Variants in GRIK3 observed in about 807,000 individuals in gnomAD.
The protein encoded by GRIK3 is glutamate receptor ionotropic, kainate 3.
A neutral mutation model predicts 102.5 loss-of-function variants in GRIK3; 29 were observed. That is an observed-to-expected ratio of 0.28 (90% CI 0.21 to 0.39). The LOEUF (loss-of-function observed/expected upper bound fraction) is 0.39. Among genes scored for constraint, GRIK3 ranks in the 10% least tolerant of loss-of-function variants. The pLI is 1.00. For missense variants in GRIK3, 908 were observed against 1,252.4 expected (o/e 0.73, Z 4.15); for synonymous variants, 511 against 504.9 (o/e 1.01, Z -0.16).
intron 1 of GRIK3, among the ~76,000 whole-genome samples, chr1:36,986,919 T>C (rs141065907): frequency 0.014 from 2,137 of 152,316 alleles, 137 homozygotes; most frequent in Admixed American, 0.11. Context: ...AATGCAGTCA[T>C]TTCAGATCTC....
At chr1:36,991,932 G>T (rs1222909002) in intron 1 of GRIK3, among the ~76,000 whole-genome samples, 1 of 152,226 alleles carries the variant, frequency 6.6e-6, no homozygotes, top group East Asian at 1.9e-4. Flanking sequence ...CAGAGCTGGT[G>T]TGGCCAGCCC....
chr1:36,955,223 C>A (rs909515890), intron 1 of GRIK3, among the ~76,000 whole-genome samples: 2 of 152,208 alleles, frequency 1.3e-5, no homozygotes, highest in African/African-American at 4.8e-5. Flanking sequence ...GACAGCCCAC[C>A]TGGCTAAGGG....
intron 1 of GRIK3, among the ~76,000 whole-genome samples, chr1:36,997,740 G>T (rs1048388907): frequency 2.0e-5 from 3 of 152,188 alleles, no homozygotes; most frequent in South Asian, 2.1e-4. Context: ...AGAGGGACCA[G>T]GAATGACCAG....
Position 36,855,653 on chromosome 1 carries a change from A to G in GRIK3, c.1105-1931T>C, listed in dbSNP as rs142102932. 8.5e-5 allele frequency among the ~76,000 whole-genome samples: 13 copies of G among 152,372 alleles called. No homozygotes were observed. In the East Asian group the frequency reaches 2.3e-3, roughly 27 times the overall value. On this transcript the variant is annotated intron_variant, in intron 7 of 15. Transcript: ENST00000373091. ...AAAAGGCATATAGAGCGCTGAGCAC[A>G]GTGCCTGCATACACAATCACAAGGA...
At chr1:37,012,359 C>T (rs1332915527) in intron 1 of GRIK3, among the ~76,000 whole-genome samples, 1 of 152,176 alleles carries the variant, frequency 6.6e-6, no homozygotes, top group Non-Finnish European at 1.5e-5. Context: ...GCAGCTAAGT[C>T]TCTGTGGCTT....
intron 1 of GRIK3, among the ~76,000 whole-genome samples, chr1:36,963,457 C>T (rs762456516): frequency 1.4e-4 from 22 of 152,246 alleles, no homozygotes; most frequent in African/African-American, 2.2e-4. Flanking sequence ...TGGAGAGGAA[C>T]GCCTTCTGTG....
chr1:37,006,001 C>G (rs143988984), intron 1 of GRIK3, among the ~76,000 whole-genome samples: 1 of 152,078 alleles, frequency 6.6e-6, no homozygotes, highest in South Asian at 2.1e-4. Flanking sequence ...CTGTCAGAAT[C>G]GCTAGCCTGA....
chr1:36,880,788 G>A lies in GRIK3; in HGVS notation c.396C>T (p.His132=). The change falls in exon 3 of 16, where the codon CAC becomes CAT. Residue 132 remains histidine (H), a synonymous_variant. Coordinates refer to ENST00000373091, the MANE Select transcript of GRIK3 (RefSeq NM_000831.4). The surrounding 1 kb of genome is among the most constrained non-coding windows in gnomAD (Gnocchi z 5.4). ...GGTGGTGCTTCCAACGCAGCTGGAT[G>A]TGGGGCACCTCCAGGGCATTGCAGA... ...QSICNALEVP[H]IQLRWKHHPL... 1 of 1,614,188 alleles carries A rather than the reference G, an allele frequency of 6.2e-7. No individual in the cohort carries two copies. Among genetic ancestry groups the A allele is most frequent in the Non-Finnish European group, 8.5e-7 (1 of 1,180,010 alleles).
chr1:36,829,409 GTT>G (rs371011659), intron 10 of GRIK3, among the ~76,000 whole-genome samples: 3 of 142,922 alleles, frequency 2.1e-5, no homozygotes, highest in African/African-American at 7.6e-5. Flanking sequence ...ATTGTTTTTT[GTT>G]TTTTTTTTTT....
intron 1 of GRIK3, among the ~76,000 whole-genome samples, chr1:37,015,571 T>C (rs1476281873): frequency 6.6e-6 from 1 of 152,126 alleles, no homozygotes; most frequent in Admixed American, 6.6e-5. Flanking sequence ...CCTGACAATG[T>C]CCACAGGGGA....
intron 10 of GRIK3, among the ~76,000 whole-genome samples, chr1:36,837,564 C>T (rs1640395280): frequency 6.6e-6 from 1 of 152,152 alleles, no homozygotes; most frequent in African/African-American, 2.4e-5. Context: ...TTTGGCACAG[C>T]AGCAGAGTGA....
At chr1:36,952,062 A>C (rs892385682) in intron 1 of GRIK3, among the ~76,000 whole-genome samples, 3 of 152,028 alleles carry the variant, frequency 2.0e-5, no homozygotes, top group Non-Finnish European at 4.4e-5. Context: ...CAGATGCAGA[A>C]ACAGGGTCAG....
At chr1:36,957,916 G>C (rs138479420) in intron 1 of GRIK3, among the ~76,000 whole-genome samples, 3 of 45,016 alleles carry the variant, frequency 6.7e-5, no homozygotes, top group East Asian at 8.7e-4. Context: ...TCTGTGCCCC[G>C]TGAGCCTGTG....
chr1:36,846,245 A>G (rs1360494192), intron 9 of GRIK3, among the ~76,000 whole-genome samples: 1 of 152,010 alleles, frequency 6.6e-6, no homozygotes, highest in African/African-American at 2.4e-5. Context: ...TGCTGTTTCC[A>G]TCTCAGGAAT....
chr1:36,837,919 C>A (rs1047731633), intron 10 of GRIK3, among the ~76,000 whole-genome samples: 11 of 152,206 alleles, frequency 7.2e-5, no homozygotes, highest in African/African-American at 2.7e-4. Context: ...TGTGTCTGAT[C>A]AATGTGAGTC....
chr1:36,813,077 G>C (rs1642581193), intron 13 of GRIK3, among the ~76,000 whole-genome samples: 1 of 152,194 alleles, frequency 6.6e-6, no homozygotes, highest in Non-Finnish European at 1.5e-5. Flanking sequence ...GACTGTGGCT[G>C]GGTCCTTAGA....
At chr1:36,912,370 C>T (rs1447140970) in intron 1 of GRIK3, among the ~76,000 whole-genome samples, 7 of 152,088 alleles carry the variant, frequency 4.6e-5, no homozygotes, top group East Asian at 3.9e-4. Context: ...TTGCAGGCAC[C>T]GTTGGGATGC....
chr1:36,926,331 T>G (rs6697080), intron 1 of GRIK3, among the ~76,000 whole-genome samples: 1 of 152,086 alleles, frequency 6.6e-6, no homozygotes, highest in Non-Finnish European at 1.5e-5. Flanking sequence ...TCACAGTTCA[T>G]GAACAATGCA....
intron 10 of GRIK3, among the ~76,000 whole-genome samples, chr1:36,841,152 C>G (rs775687883): frequency 9.2e-5 from 14 of 152,150 alleles, no homozygotes; most frequent in Admixed American, 2.0e-4. Context: ...CCCCCCACCC[C>G]CTCACCTGCC....
Sources: allele counts gnomAD v4.1 joint callset (sites outside exome capture counted in the v4.1 genomes callset), GRCh38; gene constraint gnomAD v4.1.1; non-coding constraint Gnocchi (gnomAD v3.1); transcripts MANE v1.5; gene names NCBI Gene and HGNC (gene_info 2026-07-23, HGNC 2026-07-21).